Variants in COL11A1 observed in about 807,000 individuals in gnomAD.
The protein encoded by COL11A1 is collagen alpha-1(XI) chain.
A neutral mutation model predicts 265.2 loss-of-function variants in COL11A1; 74 were observed. That is an observed-to-expected ratio of 0.28 (90% CI 0.23 to 0.34). COL11A1 has a LOEUF of 0.34. COL11A1 is among the 10% of genes least tolerant of loss of function. COL11A1 has a pLI of 1.00. For missense variants in COL11A1, 2,165 were observed against 2,263.6 expected, an observed-to-expected ratio of 0.96 and a Z score of 0.88; for synonymous variants, 816 against 727.6, an observed-to-expected ratio of 1.12 and a Z score of -1.96.
chr1:102,898,672 A>G lies in COL11A1; in HGVS notation c.4242T>C (p.Gly1414=). 6.2e-7 allele frequency: 1 copy of G among 1,611,932 alleles called. No homozygotes were observed. The change falls in exon 56 of 67, where the codon GGT becomes GGC. Residue 1414 remains glycine (G), a synonymous_variant. Coordinates refer to ENST00000370096, the MANE Select transcript of COL11A1 (RefSeq NM_001854.4). ...PGPEGLRGIP[G]PVGEQGLPGA... ...TTTTAACACAGATGCTCACCACAGGACCAGGGATGCCCCGAAGACCTTCTG... is the reference window on the plus strand; with the variant it reads ...TTTTAACACAGATGCTCACCACAGGGCCAGGGATGCCCCGAAGACCTTCTG...
At chr1:102,897,667 A>C (rs1304571576) in intron 57 of COL11A1, among the ~76,000 whole-genome samples, 2 of 152,170 alleles carry the variant, frequency 1.3e-5, no homozygotes, top group African/African-American at 4.8e-5. Context: ...TCAGTGTTAC[A>C]GTAGCCATAT....
intron 43 of COL11A1, among the ~76,000 whole-genome samples, chr1:102,939,682 G>A (rs765423901): frequency 3.4e-4 from 42 of 122,674 alleles, no homozygotes; most frequent in Non-Finnish European, 5.8e-4. Flanking sequence ...CAGCCTGGGC[G>A]ACAAAAAAAG....
At position 102,920,376 on chromosome 1, in the gene COL11A1, A is replaced by G. The variant is rs1557821924; in HGVS notation, c.3709-12T>C. The G allele has an allele frequency of 6.2e-7, 1 of 1,610,624 alleles. No individual in the cohort carries two copies. Among genetic ancestry groups the G allele is most frequent in the Non-Finnish European group, 8.5e-7 (1 of 1,176,994 alleles). On this transcript the variant is annotated splice_polypyrimidine_tract_variant and intron_variant, in intron 48 of 66. Transcript: ENST00000370096. ...GGTCCTTGTGGTCCCTGCAGTGTAG[A>G]AAAAGGAATGTAATTATCCATATTC... is the stretch of plus-strand genomic sequence containing the variant.
At chr1:102,926,492 A>G (rs1297160617) in intron 46 of COL11A1, among the ~76,000 whole-genome samples, 1 of 152,192 alleles carries the variant, frequency 6.6e-6, no homozygotes, top group African/African-American at 2.4e-5. Flanking sequence ...AATTGCTAAT[A>G]TCTATTCTGC....
chr1:103,082,405 C>T (rs1672486083), intron 2 of COL11A1, among the ~76,000 whole-genome samples: 1 of 151,976 alleles, frequency 6.6e-6, no homozygotes, highest in Admixed American at 6.6e-5. Context: ...CTTAGAAAGT[C>T]ATTAAGGGGA....
intron 43 of COL11A1, among the ~76,000 whole-genome samples, chr1:102,939,304 C>T (rs975005096): frequency 1.3e-5 from 2 of 152,148 alleles, no homozygotes; most frequent in African/African-American, 4.8e-5. Flanking sequence ...AAGTATACTA[C>T]AACTGAATTT....
chr1:103,002,623 C>G, intron 22 of COL11A1, 124 bp downstream of exon 22: 1 of 1,098,440 alleles, frequency 9.1e-7, no homozygotes, highest in Non-Finnish European at 1.4e-6. Context: ...AATATTAATG[C>G]AAGCTGTATC....
intron 61 of COL11A1, 42 bp from the exon 62 acceptor site, chr1:102,888,672 A>G (rs768543378): frequency 3.7e-6 from 6 of 1,613,514 alleles, no homozygotes; most frequent in African/African-American, 1.3e-5. Flanking sequence ...AGAAGAGGCA[A>G]TTAAATAGGT....
At chr1:102,880,108 T>C (rs970673179) in intron 65 of COL11A1, 192 bp from the exon 66 acceptor site, 19 of 580,750 alleles carry the variant, frequency 3.3e-5, no homozygotes, top group Admixed American at 2.1e-4. Context: ...ATGAATTGTA[T>C]CCCACCTAAG....
At position 102,914,572 on chromosome 1, in the gene COL11A1, G is replaced by A. The variant is rs12121498; in HGVS notation, c.3924+132C>T. 68,123 of 954,508 alleles carry A rather than the reference G, an allele frequency of 0.071. 2,886 individuals are homozygous for A. The highest frequency in any genetic ancestry group is 0.087 in the Non-Finnish European group (53,381 of 617,034). 59.1% of individuals were successfully genotyped at this position (954,508 alleles called of 1,614,324 possible). A position where few individuals can be genotyped will look rare whatever the true frequency, so the allele number is the denominator to read the frequency against. On this transcript the variant is annotated intron_variant, in intron 51 of 66. Transcript: ENST00000370096. The stretch of plus-strand genomic sequence containing the variant: ...AATTAATTCAATTGAGAATGCTTAC[G>A]AATATATGAAATGATGAAAAGTCAG...
chr1:102,888,853 G>C lies in COL11A1; in HGVS notation c.4518+13C>G. ...TAACCCTACCTTATAAGGTTATTTTGTCTTGTACTTACTGGTAAACCTGGA... is the reference window on the plus strand; with the variant it reads ...TAACCCTACCTTATAAGGTTATTTTCTCTTGTACTTACTGGTAAACCTGGA... On this transcript the variant is annotated intron_variant, in intron 60 of 66. Coordinates refer to ENST00000370096, the MANE Select transcript of COL11A1 (RefSeq NM_001854.4). 3.1e-6 allele frequency: 5 copies of C among 1,612,066 alleles called. No individual in the cohort carries two copies. Among genetic ancestry groups the C allele is most frequent in the Non-Finnish European group, 4.2e-6 (5 of 1,178,178 alleles).
intron 65 of COL11A1, 44 bp downstream of exon 65, chr1:102,881,653 C>G: frequency 1.4e-6 from 2 of 1,440,138 alleles, no homozygotes; most frequent in South Asian, 1.1e-5. Context: ...AATGTCACTT[C>G]TTGAGTTCGT....
At position 102,962,792 on chromosome 1, in the gene COL11A1, G is replaced by C. The variant is rs201749912; in HGVS notation, c.2917-32C>G. The C allele has an allele frequency of 1.8e-3, 2,898 of 1,587,784 alleles. 7 individuals are homozygous for C. Among genetic ancestry groups the C allele is most frequent in the South Asian group, 3.7e-3 (332 of 90,568 alleles). On this transcript the variant is annotated intron_variant, in intron 38 of 66. Transcript: ENST00000370096. The stretch of plus-strand genomic sequence containing the variant: ...TAGATAAGCAAAATCACTTTAGATT[G>C]CTCTTTTATTTTTGGCAAAGATAAC...
rs376257622 is a variant in COL11A1, at chr1:103,089,923, A to G, written c.107-6951T>C. 2.4e-4 allele frequency among the ~76,000 whole-genome samples: 37 copies of G among 152,292 alleles called. No individual in the cohort carries two copies. The East Asian group carries it at 7.0e-3, about 29-fold the overall frequency. On this transcript the variant is annotated intron_variant, in intron 1 of 66. Coordinates refer to ENST00000370096, the MANE Select transcript of COL11A1 (RefSeq NM_001854.4). ...GGTGGATCACGAGGTCAGGAGTTCA[A>G]GTCCAGCCTGGCCAACATGGCGAAA... is the stretch of plus-strand genomic sequence containing the variant.
intron 1 of COL11A1, among the ~76,000 whole-genome samples, chr1:103,089,815 T>C (rs542629159): frequency 6.6e-6 from 1 of 152,312 alleles, no homozygotes; most frequent in Admixed American, 6.5e-5. Context: ...TGCCATTGTT[T>C]GATTCAGGTG....
intron 41 of COL11A1, among the ~76,000 whole-genome samples, chr1:102,953,016 T>C (rs1660038010): frequency 6.6e-6 from 1 of 152,216 alleles, no homozygotes; most frequent in South Asian, 2.1e-4. Flanking sequence ...ATATGAAATG[T>C]ATTATGGCAG....
At chr1:102,984,296 A>C in intron 30 of COL11A1, 105 bp from the exon 31 acceptor site, 1 of 701,460 alleles carries the variant, frequency 1.4e-6, no homozygotes, top group Non-Finnish European at 2.3e-6. Flanking sequence ...TTGTACACTC[A>C]AAAGGAAGAT....
chr1:102,881,949 G>C (rs1403297915), intron 64 of COL11A1, among the ~76,000 whole-genome samples, 184 bp from the exon 65 acceptor site: 1 of 152,082 alleles, frequency 6.6e-6, no homozygotes, highest in Non-Finnish European at 1.5e-5. Flanking sequence ...GATAGATCCT[G>C]TACATTCTAT....
Position 102,940,294 on chromosome 1 carries a change from C to T in COL11A1, c.3384+33G>A, listed in dbSNP as rs76262053. ...TCTTGACAAAAATTAAGCTTTTTCA[C>T]AGGATCTACTAACACGAATAATGAA... is the stretch of plus-strand genomic sequence containing the variant. On this transcript the variant is annotated intron_variant, in intron 43 of 66. Coordinates refer to ENST00000370096, the MANE Select transcript of COL11A1 (RefSeq NM_001854.4). The T allele has an allele frequency of 1.8e-4, 279 of 1,537,536 alleles. 1 individual carries two copies. The East Asian group carries it at 4.7e-3, about 26-fold the overall frequency.
Sources: gnomAD v4.1 joint callset for allele counts (sites outside exome capture counted in the v4.1 genomes callset) on GRCh38, gnomAD v4.1.1 for gene constraint, MANE v1.5 for transcripts, NCBI Gene and HGNC (gene_info 2026-07-23, HGNC 2026-07-21) for gene names.